The following SCIMP variants were observed in gnomAD, a reference collection of about 807,000 sequenced individuals.
The protein encoded by SCIMP is SLP adaptor and CSK interacting membrane protein.
SCIMP carries 18 observed loss-of-function variants against 22.0 expected under a neutral mutation model. That is an observed-to-expected ratio of 0.82 (90% CI 0.56 to 1.21). The LOEUF is 1.21. Among genes scored for constraint, SCIMP ranks in the 50% most tolerant of loss-of-function variants. The pLI is 0.00. For missense variants in SCIMP, 155 were observed against 171.2 expected, an observed-to-expected ratio of 0.91 and a Z score of 0.53; for synonymous variants, 53 against 62.2, an observed-to-expected ratio of 0.85 and a Z score of 0.70.
At chr17:5,215,821 C>G (rs1254216470) in intron 3 of SCIMP, among the ~76,000 whole-genome samples, 1 of 152,058 alleles carries the variant, frequency 6.6e-6, no homozygotes, top group Non-Finnish European at 1.5e-5. Flanking sequence ...TCTGGGTTGT[C>G]CAGAGAAGCA....
At chr17:5,233,590 C>A (rs2074719748) in intron 1 of SCIMP, among the ~76,000 whole-genome samples, 1 of 152,142 alleles carries the variant, frequency 6.6e-6, no homozygotes, top group South Asian at 2.1e-4. Context: ...CCAGGCTGGT[C>A]TTGATCTCTT....
At position 5,210,575 on chromosome 17, in the gene SCIMP, C is replaced by G. The variant is rs920471182; in HGVS notation, c.*226G>C. ...CCTCAACAGCACAAGGCTGACCCCT[C>G]TAAGTCCTCAGAGCCGAGCACCCAT... On this transcript the variant is annotated 3_prime_UTR_variant, in exon 5 of 5. Transcript: ENST00000574081. 7.6e-6 allele frequency: 4 copies of G among 523,598 alleles called. No homozygotes were observed. Among genetic ancestry groups the G allele is most frequent in the African/African-American group, 5.8e-5 (3 of 51,458 alleles). 32.4% of individuals were successfully genotyped at this position (523,598 alleles called of 1,614,324 possible). A position where few individuals can be genotyped will look rare whatever the true frequency, so the allele number is the denominator to read the frequency against.
At chr17:5,231,782 C>A (rs575073447) in intron 1 of SCIMP, among the ~76,000 whole-genome samples, 1 of 152,166 alleles carries the variant, frequency 6.6e-6, no homozygotes, top group Non-Finnish European at 1.5e-5. Flanking sequence ...TGGCGGGACG[C>A]GGTGGCTCAC....
rs149926765 is a variant in SCIMP at position 5,234,185 on chromosome 17, C to T, written c.21+550G>A. The stretch of plus-strand genomic sequence containing the variant: ...ACTCAGGAGGCTGAGGCAGGAGAAT[C>T]GCTTGAACCCGGGAGGCGGTGGTTG... On this transcript the variant is annotated intron_variant, in intron 1 of 4. Transcript: ENST00000574081. 2.1e-3 allele frequency among the ~76,000 whole-genome samples: 315 copies of T among 152,170 alleles called. 1 individual carries two copies. The highest frequency in any genetic ancestry group is 7.2e-3 in the African/African-American group (301 of 41,526).
chr17:5,212,621 G>A (rs761823034), intron 4 of SCIMP, among the ~76,000 whole-genome samples: 1 of 152,184 alleles, frequency 6.6e-6, no homozygotes, highest in Non-Finnish European at 1.5e-5. Context: ...GCGACAGACC[G>A]AGACTCCATC....
At chr17:5,223,209 A>T in intron 2 of SCIMP, 124 bp downstream of exon 2, 1 of 1,015,388 alleles carries the variant, frequency 9.8e-7, no homozygotes, top group Non-Finnish European at 1.5e-6. Context: ...CCAGAATGCA[A>T]GATGCTTAAT....
chr17:5,231,403 T>C (rs1454606155), intron 1 of SCIMP, among the ~76,000 whole-genome samples: 1 of 151,622 alleles, frequency 6.6e-6, no homozygotes, highest in East Asian at 1.9e-4. Context: ...TTTCAGGAAC[T>C]TGGGGTCAGC....
At chr17:5,225,917 T>A (rs116677652) in intron 1 of SCIMP, among the ~76,000 whole-genome samples, 1,951 of 152,056 alleles carry the variant, frequency 0.013, 39 homozygotes, top group African/African-American at 0.045. Flanking sequence ...TCTGATACTA[T>A]CTCTGGGTCT....
chr17:5,214,925 A>G lies in SCIMP; in HGVS notation c.283T>C (p.Ser95Pro). The change falls in exon 4 of 5, where the codon TCC (serine) becomes CCC (proline). Residue 95 changes from serine (S) to proline (P), a missense_variant and splice_region_variant. Coordinates refer to ENST00000574081, the MANE Select transcript of SCIMP (RefSeq NM_207103.3). ...ACTGCTACCAGTAAAATATACTTAC[A>G]AGAGTCTTCTAGAGAAGGCCAATTC... is the stretch of plus-strand genomic sequence containing the variant. ...PRNWPSLEDSSPQEAPSQPPA... is the reference protein window; with the variant it reads ...PRNWPSLEDSPPQEAPSQPPA... 6.4e-7 allele frequency: 1 copy of G among 1,573,218 alleles called. No individual in the cohort carries two copies. The highest frequency in any genetic ancestry group is 2.2e-5 in the East Asian group (1 of 44,702).
intron 4 of SCIMP, 120 bp from the exon 5 acceptor site, chr17:5,211,075 C>G (rs1299314998): frequency 1.4e-6 from 2 of 1,428,274 alleles, no homozygotes; most frequent in African/African-American, 1.4e-5. Context: ...TGGGCCAGAT[C>G]CCCATTTTAC....
intron 3 of SCIMP, among the ~76,000 whole-genome samples, chr17:5,219,101 C>T (rs990037262): frequency 6.6e-6 from 1 of 151,342 alleles, no homozygotes; most frequent in Non-Finnish European, 1.5e-5. Flanking sequence ...GGGCAGATCA[C>T]GAGGTTAGGA....
At chr17:5,215,562 C>T (rs1356462458) in intron 3 of SCIMP, among the ~76,000 whole-genome samples, 5 of 152,128 alleles carry the variant, frequency 3.3e-5, no homozygotes, top group Non-Finnish European at 7.4e-5. Flanking sequence ...TGCAGTGAGC[C>T]GAGATCATGC....
At chr17:5,213,166 T>C in intron 4 of SCIMP, 1 of 985,174 alleles carries the variant, frequency 1.0e-6, no homozygotes, top group Non-Finnish European at 1.2e-6. Context: ...TCTGTTTATG[T>C]TCCAAGCTGG....
Position 5,210,869 on chromosome 17 carries a change from A to G in SCIMP, c.370T>C (p.Tyr124His), listed in dbSNP as rs761184817. Residue 124 changes from tyrosine (Y) to histidine (H), a missense_variant, in exon 5 of 5, where the codon TAC (tyrosine) becomes CAC (histidine). By Grantham distance (83) the Tyr-to-His change is moderately conservative. Transcript: ENST00000574081. ...KNKKTVSIPS[Y>H]IEPEDDYDDV... ...TCATAGTCATCTTCAGGCTCAATGTAGCTTGGGATGGAAACAGTCTTCTTA... is the reference window on the plus strand; with the variant it reads ...TCATAGTCATCTTCAGGCTCAATGTGGCTTGGGATGGAAACAGTCTTCTTA... 6.2e-7 allele frequency: 1 copy of G among 1,614,110 alleles called. No homozygotes were observed. The highest frequency in any genetic ancestry group is 1.1e-5 in the South Asian group (1 of 91,054).
intron 1 of SCIMP, among the ~76,000 whole-genome samples, chr17:5,231,814 G>A (rs929376797): frequency 2.0e-5 from 3 of 152,208 alleles, no homozygotes; most frequent in South Asian, 2.1e-4. Flanking sequence ...CAGCACTTTG[G>A]GAGGCTGAGG....
intron 1 of SCIMP, among the ~76,000 whole-genome samples, chr17:5,224,141 G>GT (rs906031511): frequency 6.6e-6 from 1 of 151,832 alleles, no homozygotes; most frequent in African/African-American, 2.4e-5. Context: ...CTGCAGGGTT[G>GT]TTTTTTTTCT....
At chr17:5,213,683 C>G (rs2074543704) in intron 4 of SCIMP, 1 of 152,082 alleles carries the variant, frequency 6.6e-6, no homozygotes, top group African/African-American at 2.4e-5. Context: ...CCCGTCTCTA[C>G]TAAACATACA....
rs1239247436 is a variant in SCIMP, at chr17:5,215,723, T to C, written c.210-725A>G. Among the ~76,000 whole-genome samples, 7 of 152,174 alleles carry C rather than the reference T, an allele frequency of 4.6e-5. No homozygotes were observed. The South Asian group carries it at 1.4e-3, about 31-fold the overall frequency. The stretch of plus-strand genomic sequence containing the variant: ...CTACTGGGTCTACAGACTATTGAAA[T>C]GCTCGCATCTGTTCACCAAAACATG... On this transcript the variant is annotated intron_variant, in intron 3 of 4. Transcript: ENST00000574081.
At chr17:5,232,744 T>G (rs2074712533) in intron 1 of SCIMP, among the ~76,000 whole-genome samples, 1 of 151,616 alleles carries the variant, frequency 6.6e-6, no homozygotes, top group African/African-American at 2.4e-5. Flanking sequence ...GGCGTCTTGC[T>G]CTGTCACCCA....
Sources: gnomAD v4.1 joint callset for allele counts (sites outside exome capture counted in the v4.1 genomes callset) on GRCh38, gnomAD v4.1.1 for gene constraint, MANE v1.5 for transcripts, NCBI Gene and HGNC (gene_info 2026-07-23, HGNC 2026-07-21) for gene names.